The following MCTP1 variants were observed in gnomAD, a reference collection of about 807,000 sequenced individuals.
MCTP1 encodes multiple C2 and transmembrane domain containing 1, also known as multiple C2 and transmembrane domain-containing protein 1.
Under a neutral mutation model 120.6 loss-of-function variants are expected in MCTP1, and 69 were observed. The observed-to-expected ratio is 0.57, with a 90% CI of 0.47 to 0.70. The LOEUF is 0.70. Ranked by LOEUF, MCTP1 falls within the 30% of genes least tolerant of loss-of-function variation. The pLI, the probability that MCTP1 is intolerant of heterozygous loss-of-function variation, is 0.00. For missense variants in MCTP1, 1,203 were observed against 1,248.8 expected (o/e 0.96, Z 0.55); for synonymous variants, 529 against 493.1 (o/e 1.07, Z -0.96).
At chr5:94,937,298 A>T (rs1439484724) in intron 5 of MCTP1, among the ~76,000 whole-genome samples, 1 of 152,082 alleles carries the variant, frequency 6.6e-6, no homozygotes, top group Non-Finnish European at 1.5e-5. Flanking sequence ...GAGATGAAAA[A>T]TACCTTTGGA....
chr5:95,055,721 T>C (rs1214851657), intron 1 of MCTP1, among the ~76,000 whole-genome samples: 1 of 152,216 alleles, frequency 6.6e-6, no homozygotes, highest in African/African-American at 2.4e-5. Flanking sequence ...CTTGCCTGTG[T>C]TGCATACTAG....
chr5:94,791,129 A>AAAAAG (rs1561642818), intron 18 of MCTP1, among the ~76,000 whole-genome samples: 1 of 148,928 alleles, frequency 6.7e-6, no homozygotes, highest in Non-Finnish European at 1.5e-5. Flanking sequence ...AAAAAAAAAA[A>AAAAAG]AAAAGAAAAA....
At position 94,752,108 on chromosome 5, in the gene MCTP1, A is replaced by AATATATATATATATATAT. The variant is rs146434254; in HGVS notation, c.2610+26984_2610+27001dup. On this transcript the variant is annotated intron_variant, in intron 19 of 22. Transcript: ENST00000515393. ...ATGTACCCTAAAACTTAAATAATAA[A>AATATATATATATATATAT]ATATATATATATATATATATATATA... Among the ~76,000 whole-genome samples, 487 of 75,648 alleles carry AATATATATATATATATAT rather than the reference A, an allele frequency of 6.4e-3. 29 individuals are homozygous for AATATATATATATATATAT. Among genetic ancestry groups the AATATATATATATATATAT allele is most frequent in the Non-Finnish European group, 9.3e-3 (295 of 31,846 alleles). The allele number at this position is 75,648 out of a possible 152,430, so 49.6% of individuals were successfully genotyped here.
At chr5:95,266,842 C>A (rs1582697758) in intron 1 of MCTP1, among the ~76,000 whole-genome samples, 2 of 152,290 alleles carry the variant, frequency 1.3e-5, no homozygotes, top group African/African-American at 4.8e-5. Flanking sequence ...AGAATCCATA[C>A]CCTGAGCGTT....
intron 1 of MCTP1, among the ~76,000 whole-genome samples, chr5:95,186,044 C>G (rs887417942): frequency 9.2e-5 from 14 of 151,986 alleles, no homozygotes; most frequent in African/African-American, 3.4e-4. Context: ...TTGCAGTGAG[C>G]CGAAATTGCG....
intron 10 of MCTP1, among the ~76,000 whole-genome samples, chr5:94,903,875 A>G (rs1806142826): frequency 6.6e-6 from 1 of 152,222 alleles, no homozygotes; most frequent in Non-Finnish European, 1.5e-5. Flanking sequence ...TATTCTGCAC[A>G]TTCATAAAAA....
Position 95,099,678 on chromosome 5 carries a change from C to T in MCTP1, c.721-82194G>A, listed in dbSNP as rs908588042. On this transcript the variant is annotated intron_variant, in intron 1 of 22. Coordinates refer to ENST00000515393, the MANE Select transcript of MCTP1 (RefSeq NM_024717.7). ...GAACACTTTTACACTGTTGGTGGGA[C>T]TGTAAACTAGTTCGACCATTGTGGA... Among the ~76,000 whole-genome samples the T allele has an allele frequency of 3.4e-3, 515 of 151,318 alleles. 3 individuals are homozygous for T. Among genetic ancestry groups the T allele is most frequent in the African/African-American group, 0.012 (495 of 41,102 alleles).
chr5:94,826,150 G>A lies in MCTP1; in HGVS notation c.2437-27018C>T, dbSNP rs553972939. 1.1e-5 allele frequency: 4 copies of A among 365,926 alleles called. No individual in the cohort carries two copies. The East Asian group carries it at 1.9e-4, about 17-fold the overall frequency. 22.7% of individuals were successfully genotyped at this position (365,926 alleles called of 1,614,324 possible). A position where few individuals can be genotyped will look rare whatever the true frequency, so the allele number is the denominator to read the frequency against. Reference sequence around the variant, plus strand: ...GAATCAGATCCTCCATGCAGATGATGCCATATTTACCAAGAGATCGAGCAA... The same window carrying A: ...GAATCAGATCCTCCATGCAGATGATACCATATTTACCAAGAGATCGAGCAA... On this transcript the variant is annotated intron_variant, in intron 17 of 22. Coordinates refer to ENST00000515393, the MANE Select transcript of MCTP1 (RefSeq NM_024717.7).
At chr5:95,026,478 C>T (rs1206204101) in intron 1 of MCTP1, among the ~76,000 whole-genome samples, 1 of 152,136 alleles carries the variant, frequency 6.6e-6, no homozygotes, top group Non-Finnish European at 1.5e-5. Flanking sequence ...GGTAACCATC[C>T]TTCTACTCTC....
chr5:94,937,717 G>A (rs557305016), intron 5 of MCTP1, among the ~76,000 whole-genome samples: 4 of 152,088 alleles, frequency 2.6e-5, no homozygotes, highest in East Asian at 1.9e-4. Flanking sequence ...CAGCTTCATC[G>A]TAAGGTCTCC....
chr5:94,724,267 A>G (rs1761621003), intron 19 of MCTP1, among the ~76,000 whole-genome samples: 1 of 152,106 alleles, frequency 6.6e-6, no homozygotes, highest in South Asian at 2.1e-4. Flanking sequence ...TTGCTTTGAG[A>G]TGAGGTCTCG....
chr5:94,777,185 C>T (rs1379921220), intron 19 of MCTP1, among the ~76,000 whole-genome samples: 1 of 152,196 alleles, frequency 6.6e-6, no homozygotes, highest in Non-Finnish European at 1.5e-5. Context: ...TGAATTCACA[C>T]TGCAATTTAA....
chr5:95,114,759 C>T (rs1425504618), intron 1 of MCTP1, among the ~76,000 whole-genome samples: 2 of 152,228 alleles, frequency 1.3e-5, no homozygotes, highest in Non-Finnish European at 2.9e-5. Context: ...GCCTAGCTGG[C>T]TTTGCCAGCT....
intron 1 of MCTP1, among the ~76,000 whole-genome samples, chr5:95,280,331 T>G (rs1760213151): frequency 6.6e-6 from 1 of 152,192 alleles, no homozygotes; most frequent in South Asian, 2.1e-4. Flanking sequence ...TTATCCTTTG[T>G]GAAAGCAATT....
intron 10 of MCTP1, 47 bp downstream of exon 10, chr5:94,909,204 A>C (rs188968467): frequency 4.1e-5 from 65 of 1,587,304 alleles, no homozygotes; most frequent in Non-Finnish European, 1.7e-6. Flanking sequence ...ATATTCTTTT[A>C]ATAAAAATGC....
chr5:94,903,928 A>T (rs1806155713), intron 10 of MCTP1, among the ~76,000 whole-genome samples: 1 of 152,246 alleles, frequency 6.6e-6, no homozygotes, highest in Non-Finnish European at 1.5e-5. Flanking sequence ...AATTTACCAC[A>T]GCTGTCAGCA....
chr5:95,146,605 A>T (rs1390480584), intron 1 of MCTP1, among the ~76,000 whole-genome samples: 2 of 151,960 alleles, frequency 1.3e-5, no homozygotes, highest in African/African-American at 4.8e-5. Flanking sequence ...AATTTTAAAG[A>T]TTTTTTTTAA....
rs1754189993 is a variant in MCTP1 at position 94,704,931 on chromosome 5, C to A, written c.*2565G>T. The A allele has an allele frequency of 1.3e-5, 2 of 151,228 alleles. No individual in the cohort carries two copies. Among genetic ancestry groups the A allele is most frequent in the Admixed American group, 1.3e-4 (2 of 15,170 alleles). The allele number at this position is 151,228 out of a possible 1,614,324, so 9.4% of individuals were successfully genotyped here. On this transcript the variant is annotated 3_prime_UTR_variant, in exon 23 of 23. Coordinates refer to ENST00000515393, the MANE Select transcript of MCTP1 (RefSeq NM_024717.7). ...AATGAATGAGAAGTACTATTATGTT[C>A]TTTTTGATAAGTGGGGAAAAATTTA...
intron 1 of MCTP1, among the ~76,000 whole-genome samples, chr5:95,023,304 AT>A (rs1289448725): frequency 6.6e-5 from 10 of 152,158 alleles, no homozygotes; most frequent in Non-Finnish European, 1.2e-4. Flanking sequence ...GAGTAGAGAA[AT>A]CCCATGGTTC....
Sources: allele counts gnomAD v4.1 joint callset (sites outside exome capture counted in the v4.1 genomes callset), GRCh38; gene constraint gnomAD v4.1.1; transcripts MANE v1.5; gene names NCBI Gene and HGNC (gene_info 2026-07-23, HGNC 2026-07-21).